The following LRRK2 variants were observed in gnomAD, a reference collection of about 807,000 sequenced individuals.
LRRK2 encodes the protein leucine rich repeat kinase 2, also known as leucine-rich repeat serine/threonine-protein kinase 2.
In LRRK2, 203 loss-of-function variants were observed where a neutral mutation model predicts 302.6. That is an observed-to-expected ratio of 0.67 (90% CI 0.60 to 0.75). The LOEUF (loss-of-function observed/expected upper bound fraction) is 0.75, where lower values mean the gene tolerates loss of function less well. Ranked by LOEUF, LRRK2 falls within the 30% of genes least tolerant of loss-of-function variation. The probability of loss-of-function intolerance (pLI) is 0.00; values close to 1 mark genes in which losing one functional copy is unlikely to be tolerated. For missense variants in LRRK2, 2,830 were observed against 2,951.0 expected (o/e 0.96, Z 0.95); for synonymous variants, 1,066 against 1,031.9 (o/e 1.03, Z -0.63).
In LRRK2 at chr12:40,367,038, T is replaced by A; in HGVS notation, c.7423T>A (p.Tyr2475Asn). 1 of 1,609,804 alleles carries A rather than the reference T, an allele frequency of 6.2e-7. No individual in the cohort carries two copies. Among genetic ancestry groups the A allele is most frequent in the Non-Finnish European group, 8.5e-7 (1 of 1,177,064 alleles). The part of the protein sequence containing the change: ...SLKNVMLVLG[Y>N]NRKNTEGTQK... The stretch of plus-strand genomic sequence containing the variant: ...TAAAAATGTCATGCTGGTATTGGGC[T>A]ACAACCGGAAAAATACTGAAGGTAC... Residue 2475 changes from tyrosine (Y) to asparagine (N), a missense_variant, in exon 50 of 51, where the codon TAC (tyrosine) becomes AAC (asparagine). By Grantham distance (143) the Tyr-to-Asn change is moderately radical. This residue lies in a region of LRRK2 where 456 missense variants were observed against 456.3 expected (regional missense o/e 1.00). Coordinates refer to ENST00000298910, the MANE Select transcript of LRRK2 (RefSeq NM_198578.4).
chr12:40,311,497 G>A lies in LRRK2; in HGVS notation c.4536+848G>A, dbSNP rs1198677126. 7.2e-5 allele frequency among the ~76,000 whole-genome samples: 11 copies of A among 152,252 alleles called. No homozygotes were observed. The South Asian group carries it at 1.9e-3, about 26-fold the overall frequency. On this transcript the variant is annotated intron_variant, in intron 31 of 50. Coordinates refer to ENST00000298910, the MANE Select transcript of LRRK2 (RefSeq NM_198578.4). ...TAGTCTGTCTTGGCTTAGCTCAATA[G>A]CACTAATGATCAAGATACTGGCTGA...
At chr12:40,237,714 G>A (rs1265524800) in intron 4 of LRRK2, among the ~76,000 whole-genome samples, 1 of 152,186 alleles carries the variant, frequency 6.6e-6, no homozygotes, top group African/African-American at 2.4e-5. Context: ...TAGGCTAGAA[G>A]TACTGATTGA....
In LRRK2 at chr12:40,263,917, G is replaced by T. The variant is rs780932819; in HGVS notation, c.1656+16G>T. On this transcript the variant is annotated intron_variant, in intron 14 of 50. Coordinates refer to ENST00000298910, the MANE Select transcript of LRRK2 (RefSeq NM_198578.4). The stretch of plus-strand genomic sequence containing the variant: ...TTTGAACAGGGTATGTTGAATATAA[G>T]TTTTCTGTATTTATACTATTAACTA... 1 of 1,550,222 alleles carries T rather than the reference G, an allele frequency of 6.5e-7. No individual in the cohort carries two copies. Among genetic ancestry groups the T allele is most frequent in the East Asian group, 2.2e-5 (1 of 44,448 alleles).
At chr12:40,316,305 G>T (rs1419401641) in intron 33 of LRRK2, 1 of 984,908 alleles carries the variant, frequency 1.0e-6, no homozygotes, top group Admixed American at 6.2e-5. Context: ...TGTGAAGAGA[G>T]AACTCAGTTG....
intron 3 of LRRK2, among the ~76,000 whole-genome samples, chr12:40,234,618 C>T (rs1004197948): frequency 5.9e-5 from 9 of 151,654 alleles, no homozygotes; most frequent in African/African-American, 1.7e-4. Context: ...ACCTCATGAT[C>T]CCCCCGCCTC....
intron 41 of LRRK2, among the ~76,000 whole-genome samples, chr12:40,343,669 T>A (rs11176118): frequency 0.15 from 22,680 of 152,188 alleles, 1,910 homozygotes; most frequent in Middle Eastern, 0.29. Flanking sequence ...TTTTAGACAA[T>A]GAATCATATT....
chr12:40,258,548 A>T (rs1942622641), intron 12 of LRRK2, among the ~76,000 whole-genome samples: 2 of 152,162 alleles, frequency 1.3e-5, no homozygotes, highest in African/African-American at 4.8e-5. Context: ...TCTTACGTAA[A>T]ATGTGTACAG....
Position 40,340,275 on chromosome 12 carries a change from C to A in LRRK2, c.5949-19C>A. ...ATGTAATCACATTTGAATAAGATTTCCTGTGCATTTTCTGGCAGATACCTC... is the reference window on the plus strand; with the variant it reads ...ATGTAATCACATTTGAATAAGATTTACTGTGCATTTTCTGGCAGATACCTC... On this transcript the variant is annotated intron_variant, in intron 40 of 50. Transcript: ENST00000298910. The A allele has an allele frequency of 6.2e-7, 1 of 1,612,690 alleles. No homozygotes were observed.
At chr12:40,354,272 G>T in intron 44 of LRRK2, 27 bp from the exon 45 acceptor site, 1 of 1,594,994 alleles carries the variant, frequency 6.3e-7, no homozygotes, top group Admixed American at 1.7e-5. Flanking sequence ...ATCAAATCCT[G>T]CTAAGTATAT....
intron 19 of LRRK2, 39 bp downstream of exon 19, chr12:40,284,172 T>C (rs767474025): frequency 1.3e-6 from 2 of 1,548,352 alleles, no homozygotes; most frequent in South Asian, 2.4e-5. Context: ...ATTCTTATTT[T>C]TAATAGTATT....
chr12:40,234,866 T>C (rs773301257), intron 3 of LRRK2, among the ~76,000 whole-genome samples: 3 of 152,176 alleles, frequency 2.0e-5, no homozygotes, highest in Admixed American at 6.5e-5. Context: ...TTGCTCTCGA[T>C]GTATATAAGG....
At position 40,354,365 on chromosome 12, in the gene LRRK2, A is replaced by G. The variant is rs1946462793; in HGVS notation, c.6643A>G (p.Ile2215Val). The G allele has an allele frequency of 1.2e-6, 2 of 1,614,156 alleles. No individual in the cohort carries two copies. Among genetic ancestry groups the G allele is most frequent in the Non-Finnish European group, 1.7e-6 (2 of 1,180,012 alleles). The change falls in exon 45 of 51, where the codon ATT becomes GTT. Residue 2215 changes from isoleucine to valine, a missense_variant. This residue lies in a region of LRRK2 where 456 missense variants were observed against 456.3 expected (regional missense o/e 1.00). Transcript: ENST00000298910. Reference protein sequence around the residue: ...VHLPVEKESWIVSGTQSGTLL... With the variant: ...VHLPVEKESWVVSGTQSGTLL... ...TCTTCCTGTTGAAAAGGAAAGCTGG[A>G]TTGTGTCTGGGACACAGTCTGGTAC...
intron 11 of LRRK2, 101 bp downstream of exon 11, chr12:40,253,117 G>A: frequency 1.3e-6 from 1 of 745,538 alleles, no homozygotes; most frequent in Admixed American, 2.2e-5. Context: ...AATTTATAAA[G>A]CTATATATTG....
chr12:40,309,285 C>CGTGTGTGTGT, intron 30 of LRRK2, 52 bp downstream of exon 30: 1 of 1,316,670 alleles, frequency 7.6e-7, no homozygotes, highest in Non-Finnish European at 1.0e-6. Flanking sequence ...TGTCTGTGTG[C>CGTGTGTGTGT]GTGTGTGTGT....
rs771302137 is a variant in LRRK2, at chr12:40,359,307, T to C, written c.6891T>C (p.Ser2297=). The C allele has an allele frequency of 6.2e-7, 1 of 1,613,100 alleles. No homozygotes were observed. Among genetic ancestry groups the C allele is most frequent in the Non-Finnish European group, 8.5e-7 (1 of 1,179,516 alleles). Residue 2297 remains serine (S), a synonymous_variant, in exon 47 of 51, where the codon AGT becomes AGC. Transcript: ENST00000298910. ...AGATACTAAATATAGGAAATGTCAG[T>C]ACTCCATTGATGTGTTTGAGTGAAT... ...PLKILNIGNV[S]TPLMCLSEST...
intron 39 of LRRK2, 143 bp downstream of exon 39, chr12:40,328,603 G>A (rs558778212): frequency 1.9e-5 from 12 of 647,742 alleles, no homozygotes; most frequent in Admixed American, 8.7e-5. Flanking sequence ...TTGTCTTTTC[G>A]TTGTGGAGTA....
chr12:40,254,857 C>T (rs1942431767), intron 11 of LRRK2, among the ~76,000 whole-genome samples: 1 of 152,116 alleles, frequency 6.6e-6, no homozygotes, highest in South Asian at 2.1e-4. Flanking sequence ...CTTTGGAGTT[C>T]TGCCTTAATA....
rs753384224 is a variant in LRRK2, at chr12:40,257,294, T to C, written c.1335T>C (p.Val445=). 6.2e-7 allele frequency: 1 copy of C among 1,600,744 alleles called. No individual in the cohort carries two copies. Among genetic ancestry groups the C allele is most frequent in the African/African-American group, 1.3e-5 (1 of 74,618 alleles). Residue 445 remains valine (V), a synonymous_variant, in exon 12 of 51, where the codon GTT becomes GTC. Transcript: ENST00000298910. ...TATCAAAAGGAATACACCTGAATGT[T>C]TTGGAGTTAATGCAGAAGCATATAC... ...ILLSKGIHLN[V]LELMQKHIHS...
intron 39 of LRRK2, among the ~76,000 whole-genome samples, chr12:40,330,391 T>A (rs574621852): frequency 6.6e-6 from 1 of 152,250 alleles, no homozygotes; most frequent in South Asian, 2.1e-4. Flanking sequence ...AAGTCTGCAG[T>A]CAGTCAGATG....
Sources: allele counts gnomAD v4.1 joint callset (sites outside exome capture counted in the v4.1 genomes callset), GRCh38; gene constraint gnomAD v4.1.1; regional missense constraint gnomAD v4.1.1; transcripts MANE v1.5; gene names NCBI Gene and HGNC (gene_info 2026-07-23, HGNC 2026-07-21).